The following CALN1 variants were observed in gnomAD, a reference collection of about 807,000 sequenced individuals.
CALN1 encodes calcium-binding protein 8.
A neutral mutation model predicts 30.6 loss-of-function variants in CALN1; 17 were observed. The observed-to-expected ratio is 0.56, with a 90% CI of 0.38 to 0.83. The LOEUF (loss-of-function observed/expected upper bound fraction) is 0.83, where lower values mean the gene tolerates loss of function less well. Ranked by LOEUF, CALN1 falls within the 40% of genes least tolerant of loss-of-function variation. The pLI is 0.00. For synonymous variants in CALN1, 156 were observed against 131.4 expected, an observed-to-expected ratio of 1.19 and a Z score of -1.28; for missense variants, 291 against 354.9, an observed-to-expected ratio of 0.82 and a Z score of 1.45.
intron 3 of CALN1, among the ~76,000 whole-genome samples, chr7:72,251,581 TG>T (rs1795561548): frequency 6.6e-6 from 1 of 152,024 alleles, no homozygotes; most frequent in Admixed American, 6.6e-5. Flanking sequence ...GTTTATTTTT[TG>T]TACAGACAAG....
intron 3 of CALN1, among the ~76,000 whole-genome samples, chr7:72,209,846 G>A (rs1217345318): frequency 6.6e-6 from 1 of 152,042 alleles, no homozygotes; most frequent in Non-Finnish European, 1.5e-5. Flanking sequence ...CAAGGCTTAG[G>A]TTCTGTTTCT....
At chr7:72,221,785 G>T (rs1034188999) in intron 3 of CALN1, among the ~76,000 whole-genome samples, 1 of 151,850 alleles carries the variant, frequency 6.6e-6, no homozygotes, top group Non-Finnish European at 1.5e-5. Context: ...AGCAACTCAG[G>T]AGGTTGAGGC....
chr7:71,993,407 A>G (rs1488128015), intron 5 of CALN1, among the ~76,000 whole-genome samples: 2 of 150,948 alleles, frequency 1.3e-5, no homozygotes, highest in African/African-American at 4.9e-5. Context: ...TTGAGGCTGC[A>G]GTGAGCTATG....
At chr7:72,036,449 C>T (rs552778717) in intron 4 of CALN1, among the ~76,000 whole-genome samples, 2 of 152,318 alleles carry the variant, frequency 1.3e-5, no homozygotes, top group South Asian at 4.1e-4. Flanking sequence ...ATCTTCTCTT[C>T]CTCTGGGACT....
chr7:72,375,702 G>A (rs1804516894), intron 2 of CALN1, among the ~76,000 whole-genome samples: 1 of 151,992 alleles, frequency 6.6e-6, no homozygotes, highest in South Asian at 2.1e-4. Flanking sequence ...GGCTGGTCTT[G>A]AACTCCTGGC....
chr7:71,907,489 G>A (rs1794205417), intron 5 of CALN1, among the ~76,000 whole-genome samples: 1 of 152,160 alleles, frequency 6.6e-6, no homozygotes, highest in African/African-American at 2.4e-5. Context: ...GCAGAATAAA[G>A]CTGTGAGTCA....
At chr7:71,875,160 C>CAAA (rs3063970) in intron 5 of CALN1, among the ~76,000 whole-genome samples, 26 of 68,722 alleles carry the variant, frequency 3.8e-4, no homozygotes, top group African/African-American at 1.0e-3. Context: ...GACTCTGTCT[C>CAAA]AAAAAAAAAA....
intron 5 of CALN1, among the ~76,000 whole-genome samples, chr7:71,905,715 C>T (rs747257652): frequency 6.6e-6 from 1 of 151,806 alleles, no homozygotes; most frequent in Non-Finnish European, 1.5e-5. Context: ...ACCAGAGGTA[C>T]CTGGAATATG....
At chr7:72,042,609 A>G (rs1407878555) in intron 4 of CALN1, among the ~76,000 whole-genome samples, 2 of 152,144 alleles carry the variant, frequency 1.3e-5, no homozygotes, top group Non-Finnish European at 2.9e-5. Flanking sequence ...GATCACACGT[A>G]CGTATAACCC....
chr7:71,846,557 T>C (rs1038543908), intron 5 of CALN1, among the ~76,000 whole-genome samples: 2 of 151,962 alleles, frequency 1.3e-5, no homozygotes, highest in African/African-American at 2.4e-5. Context: ...TAGATAGATA[T>C]AGATATGCAT....
chr7:71,907,269 A>G (rs919693935), intron 5 of CALN1, among the ~76,000 whole-genome samples: 1 of 123,394 alleles, frequency 8.1e-6, no homozygotes, highest in Non-Finnish European at 1.7e-5. Flanking sequence ...CACACACACA[A>G]CTTAAGGAAG....
intron 3 of CALN1, among the ~76,000 whole-genome samples, chr7:72,271,056 T>C (rs754795357): frequency 1.3e-5 from 2 of 152,186 alleles, no homozygotes; most frequent in Non-Finnish European, 2.9e-5. Context: ...ATAACAAGGA[T>C]GATTCCCAGA....
chr7:72,284,554 C>T (rs1014659053), intron 2 of CALN1, among the ~76,000 whole-genome samples: 10 of 152,164 alleles, frequency 6.6e-5, no homozygotes, highest in Admixed American at 4.6e-4. Flanking sequence ...AATGATAGGC[C>T]TACATGGAAT....
chr7:71,805,961 T>C (rs1347907339), intron 6 of CALN1, among the ~76,000 whole-genome samples: 1 of 152,144 alleles, frequency 6.6e-6, no homozygotes, highest in Non-Finnish European at 1.5e-5. Flanking sequence ...CTCGAAGCCA[T>C]CATCCTCAGC....
intron 3 of CALN1, among the ~76,000 whole-genome samples, chr7:72,119,689 T>C (rs1808243973): frequency 6.6e-6 from 1 of 152,124 alleles, no homozygotes. Flanking sequence ...GTGAAAGGCA[T>C]GTCTTGCATG....
intron 3 of CALN1, among the ~76,000 whole-genome samples, chr7:72,172,699 A>C (rs959854296): frequency 6.6e-6 from 1 of 152,208 alleles, no homozygotes; most frequent in Non-Finnish European, 1.5e-5. Flanking sequence ...TCTTACGACC[A>C]TTTCAATGAC....
chr7:72,061,560 G>A (rs748974963), intron 4 of CALN1, among the ~76,000 whole-genome samples: 1 of 151,602 alleles, frequency 6.6e-6, no homozygotes, highest in Non-Finnish European at 1.5e-5. Context: ...GCTCTATAGA[G>A]GGGCTCAATG....
chr7:72,406,139 C>T (rs529275628), intron 1 of CALN1, among the ~76,000 whole-genome samples: 2 of 152,324 alleles, frequency 1.3e-5, no homozygotes, highest in African/African-American at 4.8e-5. Flanking sequence ...ATGGAGCTGG[C>T]TCCCATAGCC....
In CALN1 at chr7:72,029,281, G is replaced by A. The variant is rs549190540; in HGVS notation, c.389-5512C>T. ...AGCCCACCACCACACCCAGCGAATT[G>A]TTTGTATTTTTGGTAGAGATGGGGT... On this transcript the variant is annotated intron_variant, in intron 4 of 6. Transcript: ENST00000395275. Among the ~76,000 whole-genome samples, 155 of 152,042 alleles carry A rather than the reference G, an allele frequency of 1.0e-3. 1 individual carries two copies. The highest frequency in any genetic ancestry group is 3.5e-3 in the African/African-American group (147 of 41,502).
Sources: allele counts gnomAD v4.1 joint callset (sites outside exome capture counted in the v4.1 genomes callset), GRCh38; gene constraint gnomAD v4.1.1; transcripts MANE v1.5; gene names NCBI Gene and HGNC (gene_info 2026-07-23, HGNC 2026-07-21).